The following FRY variants were observed in gnomAD, a reference collection of about 807,000 sequenced individuals.
The protein encoded by FRY is FRY microtubule binding protein, also known as protein furry homolog.
A neutral mutation model predicts 348.4 loss-of-function variants in FRY; 128 were observed. The observed-to-expected ratio is 0.37, with a 90% CI of 0.32 to 0.43. The LOEUF is 0.43. Among genes scored for constraint, FRY ranks in the 20% least tolerant of loss-of-function variants. The pLI is 1.00. For synonymous variants in FRY, 1,370 were observed against 1,374.7 expected, an observed-to-expected ratio of 1.00 and a Z score of 0.08; for missense variants, 2,736 against 3,695.2, an observed-to-expected ratio of 0.74 and a Z score of 6.73.
intron 11 of FRY, among the ~76,000 whole-genome samples, chr13:32,144,613 C>T (rs13313317): frequency 0.076 from 11,540 of 151,858 alleles, 511 homozygotes; most frequent in African/African-American, 0.11. Context: ...AAAATCAGTA[C>T]CTAAATTATC....
chr13:32,118,236 T>A (rs916632042), intron 4 of FRY, among the ~76,000 whole-genome samples: 6 of 151,888 alleles, frequency 4.0e-5, no homozygotes, highest in African/African-American at 7.2e-5. Flanking sequence ...TTACCTTTTT[T>A]AAAAAAAATA....
At chr13:32,129,762 A>G (rs1388553643) in intron 7 of FRY, among the ~76,000 whole-genome samples, 1 of 152,186 alleles carries the variant, frequency 6.6e-6, no homozygotes, top group Non-Finnish European at 1.5e-5. Context: ...TACATGTAGC[A>G]AACATAGAGG....
At chr13:32,042,835 G>A (rs1294129684) in intron 1 of FRY, among the ~76,000 whole-genome samples, 1 of 152,154 alleles carries the variant, frequency 6.6e-6, no homozygotes, top group Non-Finnish European at 1.5e-5. Context: ...ATGAATCATG[G>A]TTCAGGCCCT....
At chr13:32,181,126 G>A (rs370153505) in intron 23 of FRY, among the ~76,000 whole-genome samples, 3 of 151,736 alleles carry the variant, frequency 2.0e-5, no homozygotes, top group South Asian at 2.1e-4. Context: ...TCCTGACCTC[G>A]TGATCTGCCC....
intron 43 of FRY, 46 bp downstream of exon 43, chr13:32,236,218 G>C (rs1886219768): frequency 7.8e-7 from 1 of 1,287,258 alleles, no homozygotes; most frequent in Non-Finnish European, 1.1e-6. Context: ...ATACTGCACA[G>C]GAGTATTTGG....
At chr13:32,219,492 C>T (rs1456988492) in intron 36 of FRY, among the ~76,000 whole-genome samples, 1 of 150,540 alleles carries the variant, frequency 6.6e-6, no homozygotes, top group African/African-American at 2.4e-5. Flanking sequence ...GGCGCGGTGG[C>T]TCACGCCTGT....
intron 11 of FRY, among the ~76,000 whole-genome samples, chr13:32,146,300 C>A (rs1880445295): frequency 6.6e-6 from 1 of 151,988 alleles, no homozygotes. Flanking sequence ...ATTTAAGGTT[C>A]ATCTGAGTTT....
intron 4 of FRY, 100 bp downstream of exon 4, chr13:32,117,573 C>G: frequency 8.1e-7 from 1 of 1,237,504 alleles, no homozygotes; most frequent in South Asian, 1.2e-5. Context: ...CTTCCTGACT[C>G]TTCACAAGGA....
chr13:32,269,067 C>T (rs1449655164), intron 55 of FRY, among the ~76,000 whole-genome samples: 3 of 152,042 alleles, frequency 2.0e-5, no homozygotes, highest in Non-Finnish European at 2.9e-5. Context: ...TCATGGAAGA[C>T]GGACAATAAT....
intron 10 of FRY, among the ~76,000 whole-genome samples, chr13:32,136,167 T>C (rs1879702674): frequency 6.6e-6 from 1 of 152,218 alleles, no homozygotes; most frequent in Admixed American, 6.5e-5. Flanking sequence ...AAAGGTCTAT[T>C]ACATCTGGCT....
intron 31 of FRY, among the ~76,000 whole-genome samples, chr13:32,205,791 G>C (rs1345059007): frequency 6.6e-6 from 1 of 151,936 alleles, no homozygotes; most frequent in South Asian, 2.1e-4. Context: ...CAGTGTGGAG[G>C]GTGGATTAGT....
chr13:32,202,003 A>G lies in FRY; in HGVS notation c.3809A>G (p.Asn1270Ser), dbSNP rs1884058348. The G allele has an allele frequency of 1.2e-6, 2 of 1,605,648 alleles. No individual in the cohort carries two copies. Among genetic ancestry groups the G allele is most frequent in the East Asian group, 2.2e-5 (1 of 44,818 alleles). The change falls in exon 30 of 61, where the codon AAC becomes AGC. Residue 1270 changes from asparagine (N) to serine (S), a missense_variant. Coordinates refer to ENST00000542859, the MANE Select transcript of FRY (RefSeq NM_023037.3). ...NLVLFKASDT[N>S]REIYEISMQL... ...GTTCTATTCAAGGCCTCTGACACCAACAGAGAGATTTATGAAATCTCCATG... is the reference window on the plus strand; with the variant it reads ...GTTCTATTCAAGGCCTCTGACACCAGCAGAGAGATTTATGAAATCTCCATG...
chr13:32,276,906 A>G (rs191444140), intron 57 of FRY, among the ~76,000 whole-genome samples: 1 of 152,292 alleles, frequency 6.6e-6, no homozygotes, highest in East Asian at 1.9e-4. Flanking sequence ...GCCTCACCCA[A>G]AACTAGTTGT....
chr13:32,095,111 G>T (rs1483762677), intron 2 of FRY, among the ~76,000 whole-genome samples: 1 of 152,134 alleles, frequency 6.6e-6, no homozygotes, highest in Non-Finnish European at 1.5e-5. Flanking sequence ...GTGATGTTGA[G>T]CACCTTTCAT....
At chr13:32,278,322 G>C (rs55638138) in intron 57 of FRY, 143 bp from the exon 58 acceptor site, 1 of 660,394 alleles carries the variant, frequency 1.5e-6, no homozygotes, top group Admixed American at 2.2e-5. Flanking sequence ...CCCCAAATAC[G>C]ACCCTTTTCA....
intron 58 of FRY, among the ~76,000 whole-genome samples, chr13:32,280,861 A>G (rs17692070): frequency 0.15 from 22,490 of 152,124 alleles, 2,141 homozygotes; most frequent in African/African-American, 0.26. Flanking sequence ...CTATTTCCCA[A>G]ACATTCCAAC....
chr13:32,070,689 T>G (rs992137064), intron 1 of FRY, among the ~76,000 whole-genome samples: 3 of 152,210 alleles, frequency 2.0e-5, no homozygotes, highest in African/African-American at 7.2e-5. Context: ...ATAGTTTCTT[T>G]TGCTGTGCAG....
chr13:32,238,989 G>C (rs1393470901), intron 44 of FRY, among the ~76,000 whole-genome samples: 1 of 152,118 alleles, frequency 6.6e-6, no homozygotes, highest in African/African-American at 2.4e-5. Context: ...AAAAACATCT[G>C]GGCCAGCCAT....
intron 3 of FRY, among the ~76,000 whole-genome samples, chr13:32,110,720 AT>A (rs2138668384): frequency 6.6e-6 from 1 of 152,316 alleles, no homozygotes; most frequent in Admixed American, 6.5e-5. Context: ...GTATTTAATG[AT>A]GATATAAACA....
Sources: allele counts gnomAD v4.1 joint callset (sites outside exome capture counted in the v4.1 genomes callset), GRCh38; gene constraint gnomAD v4.1.1; transcripts MANE v1.5; gene names NCBI Gene and HGNC (gene_info 2026-07-23, HGNC 2026-07-21).